The following EPHA10 variants were observed in gnomAD, a reference collection of about 807,000 sequenced individuals.
EPHA10 encodes ephrin type-A receptor 10.
A neutral mutation model predicts 109.7 loss-of-function variants in EPHA10; 120 were observed. That is an observed-to-expected ratio of 1.09 (90% CI 0.94 to 1.27). The LOEUF (loss-of-function observed/expected upper bound fraction) is 1.27, where lower values mean the gene tolerates loss of function less well. EPHA10 is among the 50% of genes most tolerant of loss of function. The pLI is 0.00. For missense variants in EPHA10, 1,396 were observed against 1,411.1 expected, an observed-to-expected ratio of 0.99 and a Z score of 0.17; for synonymous variants, 640 against 618.9, an observed-to-expected ratio of 1.03 and a Z score of -0.51.
chr1:37,734,658 A>G (rs1431983802), intron 6 of EPHA10: 1 of 455,676 alleles, frequency 2.2e-6, no homozygotes, highest in African/African-American at 2.0e-5. Context: ...CAATGGATAC[A>G]AGAGGTCAGC....
At chr1:37,730,006 CAATG>C (rs1645955472) in intron 7 of EPHA10, among the ~76,000 whole-genome samples, 1 of 152,128 alleles carries the variant, frequency 6.6e-6, no homozygotes, top group Admixed American at 6.6e-5. Context: ...GAGAGGTACC[CAATG>C]AATGGAGACC....
chr1:37,726,205 C>A (rs970600768), intron 8 of EPHA10, among the ~76,000 whole-genome samples: 4 of 152,216 alleles, frequency 2.6e-5, no homozygotes, highest in South Asian at 2.1e-4. Flanking sequence ...GCTTTTCCAA[C>A]GGGTCCAGCA....
rs181154622 is a variant in EPHA10 at position 37,745,677 on chromosome 1, T to C, written c.1357+7199A>G. On this transcript the variant is annotated intron_variant, in intron 5 of 16. Transcript: ENST00000373048. ...CAACCTGGCCAATATGGGGAAACCC[T>C]GTCTCTGCTAAAAAATACAAATATT... 2.6e-5 allele frequency among the ~76,000 whole-genome samples: 4 copies of C among 152,216 alleles called. No individual in the cohort carries two copies. The East Asian group carries it at 7.7e-4, about 29-fold the overall frequency.
intron 8 of EPHA10, among the ~76,000 whole-genome samples, chr1:37,724,475 A>T (rs2148317233): frequency 6.6e-6 from 1 of 152,218 alleles, no homozygotes; most frequent in South Asian, 2.1e-4. Context: ...GACTAGGAAT[A>T]AGTCTGAGAA....
chr1:37,730,737 G>C (rs1037528365), intron 7 of EPHA10, among the ~76,000 whole-genome samples: 1 of 152,030 alleles, frequency 6.6e-6, no homozygotes, highest in Non-Finnish European at 1.5e-5. Context: ...TGTGACCTAG[G>C]CTGGAACGTA....
chr1:37,744,125 A>G (rs574097855), intron 5 of EPHA10, among the ~76,000 whole-genome samples: 2 of 152,212 alleles, frequency 1.3e-5, no homozygotes, highest in Non-Finnish European at 2.9e-5. Context: ...GAAAACACAG[A>G]AATGTTAACC....
intron 7 of EPHA10, among the ~76,000 whole-genome samples, chr1:37,729,180 A>C (rs1645941189): frequency 6.6e-6 from 1 of 152,064 alleles, no homozygotes; most frequent in Non-Finnish European, 1.5e-5. Context: ...AGCCAGCAAG[A>C]CCCTGAGCAG....
Position 37,717,634 on chromosome 1 carries a change from G to C in EPHA10, c.*738C>G, listed in dbSNP as rs551136189. The C allele has an allele frequency of 4.3e-6, 1 of 231,430 alleles. No individual in the cohort carries two copies. The highest frequency in any genetic ancestry group is 8.5e-6 in the Non-Finnish European group (1 of 117,032). The allele number at this position is 231,430 out of a possible 1,614,324, so 14.3% of individuals were successfully genotyped here. On this transcript the variant is annotated 3_prime_UTR_variant, in exon 17 of 17. Coordinates refer to ENST00000373048, the MANE Select transcript of EPHA10 (RefSeq NM_001099439.2). ...CTAAGTTCATAAAAGGAATGCACAC[G>C]AGGGCCTCATGGGGCCCCAGGGAGC...
At chr1:37,761,157 G>A (rs1270865926) in intron 3 of EPHA10, 1 of 1,361,660 alleles carries the variant, frequency 7.3e-7, no homozygotes, top group Admixed American at 3.2e-5. Flanking sequence ...GCCTGTGCAA[G>A]GTGCCTAAGA....
chr1:37,760,728 T>C (rs916137225), intron 3 of EPHA10: 1 of 201,220 alleles, frequency 5.0e-6, no homozygotes, highest in Non-Finnish European at 1.0e-5. Flanking sequence ...TTCCTAACTT[T>C]GCAAGTGAGG....
At position 37,731,485 on chromosome 1, in the gene EPHA10, C is replaced by G. The variant is rs546366373; in HGVS notation, c.1589G>C (p.Arg530Pro). ...CCAGGATGGCCCCGGGGAAGCGGCC[C>G]GGATCTGAAAGACGTAGCGGGTAGC... ...KPATRYVFQI[R>P]AASPGPSWEA... Residue 530 changes from arginine to proline, a missense_variant, in exon 7 of 17, where the codon CGG becomes CCG. Physicochemically the swap from Arg to Pro is moderately radical, Grantham distance 103. Coordinates refer to ENST00000373048, the MANE Select transcript of EPHA10 (RefSeq NM_001099439.2). 3.7e-6 allele frequency: 6 copies of G among 1,614,036 alleles called. No homozygotes were observed. In the East Asian group the frequency reaches 1.3e-4, roughly 36 times the overall value.
intron 3 of EPHA10, chr1:37,760,388 GC>G: frequency 9.5e-7 from 1 of 1,054,598 alleles, no homozygotes; most frequent in Non-Finnish European, 1.1e-6. Flanking sequence ...TGTTCCTAAT[GC>G]CCCCACTAGC....
chr1:37,750,231 T>C (rs572265868), intron 5 of EPHA10, among the ~76,000 whole-genome samples: 1 of 152,326 alleles, frequency 6.6e-6, no homozygotes, highest in African/African-American at 2.4e-5. Flanking sequence ...GTGTGATGAT[T>C]GGGGATTCAC....
chr1:37,740,822 T>C (rs919015287), intron 5 of EPHA10, among the ~76,000 whole-genome samples: 7 of 151,898 alleles, frequency 4.6e-5, no homozygotes, highest in African/African-American at 1.7e-4. Flanking sequence ...AAAAGGTGTC[T>C]GGGAGAAAAA....
chr1:37,764,882 C>T lies in EPHA10; in HGVS notation c.106+79G>A. 3.0e-6 allele frequency: 4 copies of T among 1,320,506 alleles called. No homozygotes were observed. The highest frequency in any genetic ancestry group is 4.2e-6 in the Non-Finnish European group (4 of 952,284). 81.8% of individuals were successfully genotyped at this position (1,320,506 alleles called of 1,614,324 possible). Reference sequence around the variant, plus strand: ...ACAGACTCTAGTCTCTCCAATGACTCCTTCCCCCAGAACCCCCATCGCCAG... The same window carrying T: ...ACAGACTCTAGTCTCTCCAATGACTTCTTCCCCCAGAACCCCCATCGCCAG... On this transcript the variant is annotated intron_variant, in intron 1 of 16. Coordinates refer to ENST00000373048, the MANE Select transcript of EPHA10 (RefSeq NM_001099439.2). This position sits in a 1 kb window ranked among gnomAD's most constrained non-coding sequence, Gnocchi z 5.8.
In EPHA10 at chr1:37,761,565, G is replaced by C. The variant is rs879055562; in HGVS notation, c.690C>G (p.Phe230Leu). 6.3e-7 allele frequency: 1 copy of C among 1,598,960 alleles called. No homozygotes were observed. Among genetic ancestry groups the C allele is most frequent in the Middle Eastern group, 1.7e-4 (1 of 5,906 alleles). ...TFPATAAESA[F>L]STLVEVAGTC... ...TTCCGGCCACTTCCACCAGTGTGGAGAAGGCGCTCTCGGCTGCGGTGGCTG... is the reference window on the plus strand; with the variant it reads ...TTCCGGCCACTTCCACCAGTGTGGACAAGGCGCTCTCGGCTGCGGTGGCTG... Residue 230 changes from phenylalanine (F) to leucine (L), a missense_variant, in exon 3 of 17, where the codon TTC becomes TTG. Coordinates refer to ENST00000373048, the MANE Select transcript of EPHA10 (RefSeq NM_001099439.2).
chr1:37,762,146 T>C, intron 2 of EPHA10, 63 bp from the exon 3 acceptor site: 1 of 1,453,352 alleles, frequency 6.9e-7, no homozygotes, highest in Non-Finnish European at 9.3e-7. Context: ...GGTGGAGCGC[T>C]AGCAGTGACT....
At chr1:37,735,486 C>T (rs1209760813) in intron 5 of EPHA10, 96 bp from the exon 6 acceptor site, 2 of 1,435,624 alleles carry the variant, frequency 1.4e-6, no homozygotes, top group East Asian at 2.5e-5. Context: ...GCTGTGGGAC[C>T]GGACTAGAGA....
At chr1:37,753,262 G>A in intron 4 of EPHA10, 36 bp from the exon 5 acceptor site, 5 of 1,232,900 alleles carry the variant, frequency 4.1e-6, no homozygotes, top group East Asian at 6.5e-5. Context: ...TCAGGGCGGG[G>A]CGTGGGTGCC....
Sources: gnomAD v4.1 joint callset for allele counts (sites outside exome capture counted in the v4.1 genomes callset) on GRCh38, gnomAD v4.1.1 for gene constraint, Gnocchi (gnomAD v3.1) non-coding constraint, MANE v1.5 for transcripts, NCBI Gene and HGNC (gene_info 2026-07-23, HGNC 2026-07-21) for gene names.